The following PRPSAP2 variants were observed in gnomAD, a reference collection of about 807,000 sequenced individuals.
The protein encoded by PRPSAP2 is phosphoribosyl pyrophosphate synthetase associated protein 2.
Under a neutral mutation model 40.6 loss-of-function variants are expected in PRPSAP2, and 24 were observed. That is an observed-to-expected ratio of 0.59 (90% confidence interval 0.43 to 0.83). The LOEUF is 0.83. Ranked by LOEUF, PRPSAP2 falls within the 40% of genes least tolerant of loss-of-function variation. PRPSAP2 has a pLI of 0.00. For synonymous variants in PRPSAP2, 149 were observed against 164.7 expected (o/e 0.90, Z 0.73); for missense variants, 292 against 465.6 (o/e 0.63, Z 3.43).
Position 18,882,635 on chromosome 17 carries a change from T to C in PRPSAP2, c.480T>C (p.Val160=). ...KEIQGFFNIP[V]DNLRASPFLL... is the part of the protein sequence containing the mutation. ...TTCAGGGCTTCTTCAATATTCCTGTTGACAATTTAAGAGCATCTCCCTTCT... is the reference window on the plus strand; with the variant it reads ...TTCAGGGCTTCTTCAATATTCCTGTCGACAATTTAAGAGCATCTCCCTTCT... The change falls in exon 7 of 12, where the codon GTT becomes GTC. Residue 160 remains valine (V), a synonymous_variant. Transcript: ENST00000268835. 6.2e-7 allele frequency: 1 copy of C among 1,605,688 alleles called. No homozygotes were observed. Among genetic ancestry groups the C allele is most frequent in the Non-Finnish European group, 8.5e-7 (1 of 1,172,340 alleles).
chr17:18,914,350 C>T (rs1205339930), intron 9 of PRPSAP2, among the ~76,000 whole-genome samples: 3 of 147,844 alleles, frequency 2.0e-5, no homozygotes, highest in South Asian at 2.1e-4. Flanking sequence ...CTCCACCTCC[C>T]GGGCCCAAGC....
rs60892883 is a variant in PRPSAP2 at position 18,914,249 on chromosome 17, C to CTTTTTTTTTTTTTTT, written c.733+3010_733+3024dup. 2.0e-3 allele frequency among the ~76,000 whole-genome samples: 94 copies of CTTTTTTTTTTTTTTT among 48,104 alleles called. 11 individuals carry two copies. Among genetic ancestry groups the CTTTTTTTTTTTTTTT allele is most frequent in the Non-Finnish European group, 2.1e-3 (62 of 29,028 alleles). 31.6% of individuals were successfully genotyped at this position (48,104 alleles called of 152,430 possible). On this transcript the variant is annotated intron_variant, in intron 9 of 11. Coordinates refer to ENST00000268835, the MANE Select transcript of PRPSAP2 (RefSeq NM_002767.4). Reference sequence around the variant, plus strand: ...GAGTTCTGTCCTGAACATGTTTTTGCTTTTTTTTTTTTTTTTTTTTTTTTT... The same window carrying CTTTTTTTTTTTTTTT: ...GAGTTCTGTCCTGAACATGTTTTTGCTTTTTTTTTTTTTTTTTTTTTTTTTTTTTTTTTTTTTTTT...
rs781021630 is a variant in PRPSAP2, at chr17:18,930,634, T to G, written c.1046T>G (p.Ile349Ser). The G allele has an allele frequency of 6.2e-7, 1 of 1,613,922 alleles. No homozygotes were observed. Among genetic ancestry groups the G allele is most frequent in the South Asian group, 1.1e-5 (1 of 91,074 alleles). Residue 349 changes from isoleucine (I) to serine (S), a missense_variant, in exon 12 of 12, where the codon ATC becomes AGC. Physicochemically the swap from Ile to Ser is moderately radical, Grantham distance 142 (BLOSUM62 -2). Coordinates refer to ENST00000268835, the MANE Select transcript of PRPSAP2 (RefSeq NM_002767.4). Reference sequence around the variant, plus strand: ...ATCAGCATGATCCTTTCAGAGGCGATCCGTCGGATCCACAATGGGGAGTCC... The same window carrying G: ...ATCAGCATGATCCTTTCAGAGGCGAGCCGTCGGATCCACAATGGGGAGTCC... ...VDISMILSEA[I>S]RRIHNGESMS...
At chr17:18,906,822 C>T (rs1193592086) in intron 8 of PRPSAP2, among the ~76,000 whole-genome samples, 1 of 152,180 alleles carries the variant, frequency 6.6e-6, no homozygotes, top group African/African-American at 2.4e-5. Flanking sequence ...GCTGGGATTA[C>T]AGGCGTGAGC....
upstream of PRPSAP2, chr17:18,858,021 C>G (rs992878040): frequency 1.3e-5 from 2 of 152,138 alleles, no homozygotes; most frequent in African/African-American, 4.9e-5. Flanking sequence ...GTGGCTACAC[C>G]CACTGCCCCG....
chr17:18,896,157 G>A, intron 8 of PRPSAP2, among the ~76,000 whole-genome samples: 1 of 152,168 alleles, frequency 6.6e-6, no homozygotes, highest in East Asian at 1.9e-4. Flanking sequence ...CTGAGCATCA[G>A]ATTCTACCTC....
intron 10 of PRPSAP2, chr17:18,928,436 T>C: frequency 3.6e-6 from 1 of 275,626 alleles, no homozygotes; most frequent in Non-Finnish European, 7.2e-6. Flanking sequence ...AAAACATCTT[T>C]TAACACTTTT....
intron 5 of PRPSAP2, among the ~76,000 whole-genome samples, chr17:18,875,381 C>T (rs1321589918): frequency 2.6e-5 from 4 of 151,844 alleles, no homozygotes; most frequent in Admixed American, 6.6e-5. Context: ...CAGGCCAACA[C>T]GGTGAAACCC....
At chr17:18,877,148 C>T (rs1455406281) in intron 5 of PRPSAP2, among the ~76,000 whole-genome samples, 2 of 152,094 alleles carry the variant, frequency 1.3e-5, no homozygotes, top group Non-Finnish European at 2.9e-5. Flanking sequence ...TGGACATGGC[C>T]GCATGGAGGC....
At chr17:18,858,304 C>T (rs982824192) in intron 1 of PRPSAP2, 43 bp downstream of exon 1, 1 of 152,574 alleles carries the variant, frequency 6.6e-6, no homozygotes, top group South Asian at 2.0e-4. Flanking sequence ...CGAGGGCTGG[C>T]TGGCTCCGGC....
chr17:18,872,014 T>C (rs2037921016), intron 4 of PRPSAP2, among the ~76,000 whole-genome samples: 2 of 152,070 alleles, frequency 1.3e-5, no homozygotes, highest in Admixed American at 1.3e-4. Flanking sequence ...CTCACACCTG[T>C]AATCCCAGTA....
At chr17:18,917,169 C>A (rs868762900) in intron 9 of PRPSAP2, among the ~76,000 whole-genome samples, 2 of 151,678 alleles carry the variant, frequency 1.3e-5, no homozygotes, top group Non-Finnish European at 2.9e-5. Flanking sequence ...GAACCCTAAC[C>A]CCCTGCCCTC....
chr17:18,908,926 C>G (rs1044300579), intron 8 of PRPSAP2: 1 of 403,122 alleles, frequency 2.5e-6, no homozygotes, highest in East Asian at 6.1e-5. Flanking sequence ...TACCCTGCCC[C>G]TCCTTTTCGG....
At chr17:18,889,095 C>T (rs1391151326) in intron 7 of PRPSAP2, among the ~76,000 whole-genome samples, 1 of 152,236 alleles carries the variant, frequency 6.6e-6, no homozygotes, top group Non-Finnish European at 1.5e-5. Context: ...ATATATTTTA[C>T]TGCCTTACTT....
intron 1 of PRPSAP2, among the ~76,000 whole-genome samples, chr17:18,864,547 T>C (rs186703391): frequency 1.4e-3 from 219 of 152,300 alleles, no homozygotes; most frequent in Non-Finnish European, 2.4e-3. Context: ...TGCCTTGGCC[T>C]CCCAAAGTGC....
rs58345106 is a variant in PRPSAP2 at position 18,902,869 on chromosome 17, C to CA, written c.585-8210dup. Among the ~76,000 whole-genome samples the CA allele has an allele frequency of 5.6e-3, 407 of 72,884 alleles. 3 individuals carry two copies. The highest frequency in any genetic ancestry group is 8.3e-3 in the East Asian group (16 of 1,930). 47.8% of individuals were successfully genotyped at this position (72,884 alleles called of 152,430 possible). A position where few individuals can be genotyped will look rare whatever the true frequency, so the allele number is the denominator to read the frequency against. ...GGGTGACAAGAGCAAAACTCCATCT[C>CA]AAAAAAAAAAAAAAAAAAAAAAAAG... On this transcript the variant is annotated intron_variant, in intron 8 of 11. Coordinates refer to ENST00000268835, the MANE Select transcript of PRPSAP2 (RefSeq NM_002767.4).
rs538824443 is a variant in PRPSAP2, at chr17:18,892,239, CTTTT to C, written c.584+2370_584+2373del. The stretch of plus-strand genomic sequence containing the variant: ...TTATCCATTCATCTGTTGATGGACA[CTTTT>C]TTTTTTTACCGTTTGGCTATTATGA... On this transcript the variant is annotated intron_variant, in intron 8 of 11. Coordinates refer to ENST00000268835, the MANE Select transcript of PRPSAP2 (RefSeq NM_002767.4). Among the ~76,000 whole-genome samples, 4 of 146,930 alleles carry C rather than the reference CTTTT, an allele frequency of 2.7e-5. No individual in the cohort carries two copies. The East Asian group carries it at 7.9e-4, about 29-fold the overall frequency.
At chr17:18,926,030 G>A (rs948187036) in intron 10 of PRPSAP2, among the ~76,000 whole-genome samples, 8 of 151,716 alleles carry the variant, frequency 5.3e-5, no homozygotes, top group Non-Finnish European at 1.0e-4. Flanking sequence ...CATGAGAGGC[G>A]GAGCTTGCAG....
At chr17:18,868,341 G>A (rs2037579516) in intron 4 of PRPSAP2, among the ~76,000 whole-genome samples, 1 of 152,086 alleles carries the variant, frequency 6.6e-6, no homozygotes, top group Admixed American at 6.6e-5. Context: ...TGGGCTTGGT[G>A]GCAGGCGCCT....
Sources: allele counts gnomAD v4.1 joint callset (sites outside exome capture counted in the v4.1 genomes callset), GRCh38; gene constraint gnomAD v4.1.1; transcripts MANE v1.5; gene names NCBI Gene and HGNC (gene_info 2026-07-23, HGNC 2026-07-21).